Variants in NHLRC2 observed in about 807,000 individuals in gnomAD.
The protein encoded by NHLRC2 is NHL repeat-containing protein 2.
Under a neutral mutation model 68.1 loss-of-function variants are expected in NHLRC2, and 33 were observed. The ratio of observed to expected loss-of-function variants is 0.48; its 90% confidence interval spans 0.37 to 0.65. NHLRC2 has a LOEUF of 0.65. Ranked by LOEUF, NHLRC2 falls within the 30% of genes least tolerant of loss-of-function variation. The probability of loss-of-function intolerance (pLI) is 0.00; values close to 1 mark genes in which losing one functional copy is unlikely to be tolerated. For synonymous variants in NHLRC2, 311 were observed against 309.6 expected (o/e 1.00, Z -0.05); for missense variants, 761 against 853.8 (o/e 0.89, Z 1.35).
In NHLRC2 at chr10:113,910,189, A is replaced by C. The variant is rs1323845222; in HGVS notation, c.*1653A>C. On this transcript the variant is annotated 3_prime_UTR_variant, in exon 11 of 11. Coordinates refer to ENST00000369301, the MANE Select transcript of NHLRC2 (RefSeq NM_198514.4). ...GTATAACATACTCTCTTTTATGAGA[A>C]TAGGCCTTAGTTATTTTATTTTATT... 6.6e-6 allele frequency: 1 copy of C among 152,038 alleles called. No individual in the cohort carries two copies. The highest frequency in any genetic ancestry group is 1.5e-5 in the Non-Finnish European group (1 of 67,952). The allele number at this position is 152,038 out of a possible 1,614,324, so 9.4% of individuals were successfully genotyped here.
In NHLRC2 at chr10:113,878,151, A is replaced by G. The variant is rs570777905; in HGVS notation, c.787+1175A>G. 3.3e-5 allele frequency among the ~76,000 whole-genome samples: 5 copies of G among 152,292 alleles called. No individual in the cohort carries two copies. The East Asian group carries it at 5.8e-4, about 18-fold the overall frequency. ...ACACTCAGGAAACACTTTTAATGTT[A>G]TCAGATTTTTATTGGTGATGGTATC... On this transcript the variant is annotated intron_variant, in intron 3 of 10. Coordinates refer to ENST00000369301, the MANE Select transcript of NHLRC2 (RefSeq NM_198514.4).
At position 113,903,606 on chromosome 10, in the gene NHLRC2, G is replaced by A. The variant is rs758316755; in HGVS notation, c.1574G>A (p.Ser525Asn). ...TGDTNNVTSS[S>N]FTESTFNEPG... ...GACACAAATAATGTTACCAGTTCCA[G>A]TTTTACAGAGTCAACTTTTAATGAA... is the stretch of plus-strand genomic sequence containing the variant. The change falls in exon 9 of 11, where the codon AGT becomes AAT. Residue 525 changes from serine (S) to asparagine (N), a missense_variant. Physicochemically the swap from Ser to Asn is conservative, Grantham distance 46. Coordinates refer to ENST00000369301, the MANE Select transcript of NHLRC2 (RefSeq NM_198514.4). The A allele has an allele frequency of 9.4e-5, 152 of 1,611,928 alleles. No homozygotes were observed. Among genetic ancestry groups the A allele is most frequent in the Non-Finnish European group, 1.3e-4 (150 of 1,178,294 alleles).
At chr10:113,907,617 G>A (rs933403794) in intron 10 of NHLRC2, among the ~76,000 whole-genome samples, 33 of 152,080 alleles carry the variant, frequency 2.2e-4, no homozygotes, top group East Asian at 3.9e-4. Context: ...TGGTTTATTC[G>A]ATTTTTGTTA....
intron 6 of NHLRC2, among the ~76,000 whole-genome samples, 183 bp downstream of exon 6, chr10:113,898,392 C>T (rs1846195511): frequency 6.6e-6 from 1 of 152,232 alleles, no homozygotes; most frequent in African/African-American, 2.4e-5. Flanking sequence ...CATGGGTTCA[C>T]TGGGGAGCAC....
Position 113,909,402 on chromosome 10 carries a change from T to G in NHLRC2, c.*866T>G, listed in dbSNP as rs1469517773. The stretch of plus-strand genomic sequence containing the variant: ...ATGGTTACATATCTTGTTTTGGAAA[T>G]GTACATTTCACTTGTAAGCATTAAA... On this transcript the variant is annotated 3_prime_UTR_variant, in exon 11 of 11. Coordinates refer to ENST00000369301, the MANE Select transcript of NHLRC2 (RefSeq NM_198514.4). 6.6e-6 allele frequency: 1 copy of G among 152,200 alleles called. No homozygotes were observed. The highest frequency in any genetic ancestry group is 1.5e-5 in the Non-Finnish European group (1 of 68,018). 9.4% of individuals were successfully genotyped at this position (152,200 alleles called of 1,614,324 possible).
intron 4 of NHLRC2, among the ~76,000 whole-genome samples, chr10:113,881,967 C>T (rs888619317): frequency 6.6e-6 from 1 of 151,700 alleles, no homozygotes; most frequent in Non-Finnish European, 1.5e-5. Flanking sequence ...TTGTATTTGG[C>T]TTCTTTCATT....
At chr10:113,895,512 G>A (rs1370400749) in intron 5 of NHLRC2, among the ~76,000 whole-genome samples, 1 of 152,152 alleles carries the variant, frequency 6.6e-6, no homozygotes, top group Non-Finnish European at 1.5e-5. Flanking sequence ...AGCTTGAGCA[G>A]AGATCTGAAT....
intron 3 of NHLRC2, 107 bp downstream of exon 3, chr10:113,877,083 G>A: frequency 1.5e-6 from 1 of 660,856 alleles, no homozygotes; most frequent in Non-Finnish European, 2.4e-6. Context: ...TTATAGAAAA[G>A]TGATATACAT....
At chr10:113,879,831 CTTTAGT>C (rs1210263594) in intron 4 of NHLRC2, 136 bp downstream of exon 4, 2 of 553,506 alleles carry the variant, frequency 3.6e-6, no homozygotes, top group African/African-American at 4.0e-5. Flanking sequence ...GAGGTACGTA[CTTTAGT>C]TTTATTCTCA....
chr10:113,905,984 C>T (rs1846272008), intron 10 of NHLRC2, among the ~76,000 whole-genome samples: 1 of 152,136 alleles, frequency 6.6e-6, no homozygotes, highest in East Asian at 1.9e-4. Flanking sequence ...GTACTAGGAC[C>T]TTTGGAGCTT....
At chr10:113,907,662 G>GTA (rs1313867400) in intron 10 of NHLRC2, among the ~76,000 whole-genome samples, 3 of 152,032 alleles carry the variant, frequency 2.0e-5, no homozygotes, top group South Asian at 2.1e-4. Context: ...AGAGTTTTAC[G>GTA]TATTATAATG....
intron 2 of NHLRC2, among the ~76,000 whole-genome samples, chr10:113,865,062 AC>A (rs1845852494): frequency 6.6e-6 from 1 of 150,506 alleles, no homozygotes; most frequent in Non-Finnish European, 1.5e-5. Flanking sequence ...CGATTCTCCT[AC>A]CTCAGCCTCC....
intron 5 of NHLRC2, among the ~76,000 whole-genome samples, chr10:113,890,988 G>A (rs983304318): frequency 6.6e-6 from 1 of 152,194 alleles, no homozygotes. Flanking sequence ...ACCAGATCTC[G>A]TAAGAACTCA....
chr10:113,890,602 A>T (rs905203628), intron 5 of NHLRC2, among the ~76,000 whole-genome samples: 1 of 152,018 alleles, frequency 6.6e-6, no homozygotes, highest in Non-Finnish European at 1.5e-5. Context: ...TCAGTTACTC[A>T]TGTTAGATTT....
intron 2 of NHLRC2, among the ~76,000 whole-genome samples, chr10:113,872,628 A>G (rs2134701623): frequency 6.6e-6 from 1 of 152,228 alleles, no homozygotes; most frequent in Non-Finnish European, 1.5e-5. Context: ...AATTGAATCC[A>G]GAAAAGAGAA....
chr10:113,888,574 G>C (rs144857928), intron 5 of NHLRC2, among the ~76,000 whole-genome samples: 1 of 152,014 alleles, frequency 6.6e-6, no homozygotes, highest in African/African-American at 2.4e-5. Context: ...TGACTATGCC[G>C]TATAGTTATA....
At chr10:113,902,976 T>C (rs1017661982) in intron 8 of NHLRC2, among the ~76,000 whole-genome samples, 1 of 152,246 alleles carries the variant, frequency 6.6e-6, no homozygotes, top group African/African-American at 2.4e-5. Context: ...AATAATTTTG[T>C]TTTCAGCATT....
chr10:113,884,210 G>T, intron 4 of NHLRC2, 41 bp from the exon 5 acceptor site: 1 of 1,581,938 alleles, frequency 6.3e-7, no homozygotes, highest in Non-Finnish European at 8.6e-7. Context: ...AAAAGCAAAA[G>T]TAACATTCAT....
chr10:113,882,677 A>C (rs1846046100), intron 4 of NHLRC2, among the ~76,000 whole-genome samples: 1 of 151,732 alleles, frequency 6.6e-6, no homozygotes, highest in African/African-American at 2.4e-5. Flanking sequence ...TCTTTGATAC[A>C]TTGAAGTTTT....
Sources: gnomAD v4.1 joint callset for allele counts (sites outside exome capture counted in the v4.1 genomes callset) on GRCh38, gnomAD v4.1.1 for gene constraint, MANE v1.5 for transcripts, NCBI Gene and HGNC (gene_info 2026-07-23, HGNC 2026-07-21) for gene names.